Variants in FNDC3B observed in about 807,000 individuals in gnomAD.
FNDC3B encodes the protein fibronectin type III domain-containing protein 3B.
FNDC3B carries 12 observed loss-of-function variants against 151.5 expected under a neutral mutation model. The ratio of observed to expected loss-of-function variants is 0.08; its 90% CI spans 0.05 to 0.13. FNDC3B has a LOEUF of 0.13. Ranked by LOEUF, FNDC3B falls within the 10% of genes least tolerant of loss-of-function variation. FNDC3B has a pLI of 1.00. For synonymous variants in FNDC3B, 528 were observed against 549.0 expected, an observed-to-expected ratio of 0.96 and a Z score of 0.54; for missense variants, 1,214 against 1,505.3, an observed-to-expected ratio of 0.81 and a Z score of 3.20.
intron 3 of FNDC3B, among the ~76,000 whole-genome samples, chr3:172,200,350 T>C (rs1298394764): frequency 5.9e-5 from 9 of 152,236 alleles, no homozygotes; most frequent in Non-Finnish European, 4.4e-5. Context: ...CATGAAATGA[T>C]GTTGAATGAA....
Position 172,247,039 on chromosome 3 carries a change from T to C in FNDC3B, c.265-494T>C, listed in dbSNP as rs375436829. Among the ~76,000 whole-genome samples the C allele has an allele frequency of 1.6e-4, 24 of 152,312 alleles. No individual in the cohort carries two copies. The South Asian group carries it at 1.7e-3, about 11-fold the overall frequency. ...CCACCTTTGTTTCCTAAAGCCCTGA[T>C]GATGATGGAACTGTGCATGTTAAAG... On this transcript the variant is annotated intron_variant, in intron 4 of 25. Coordinates refer to ENST00000415807, the MANE Select transcript of FNDC3B (RefSeq NM_022763.4).
chr3:172,344,894 C>T (rs572223908), intron 19 of FNDC3B, among the ~76,000 whole-genome samples: 1 of 152,120 alleles, frequency 6.6e-6, no homozygotes, highest in South Asian at 2.1e-4. Context: ...CAGTGGGAGT[C>T]CCAGTAACTG....
At chr3:172,180,093 T>G (rs1723814034) in intron 3 of FNDC3B, among the ~76,000 whole-genome samples, 1 of 152,206 alleles carries the variant, frequency 6.6e-6, no homozygotes, top group African/African-American at 2.4e-5. Context: ...TGATTGCACA[T>G]GTACCTTGGA....
At chr3:172,073,342 G>A (rs1002646410) in intron 1 of FNDC3B, among the ~76,000 whole-genome samples, 1 of 152,204 alleles carries the variant, frequency 6.6e-6, no homozygotes, top group Non-Finnish European at 1.5e-5. Context: ...TAATTCTCAA[G>A]TGTAACAGTT....
At position 172,050,733 on chromosome 3, in the gene FNDC3B, G is replaced by GTGTATA. The variant is rs397991660; in HGVS notation, c.-29+10963_-29+10964insGTATAT. Among the ~76,000 whole-genome samples, 214 of 137,924 alleles carry GTGTATA rather than the reference G, an allele frequency of 1.6e-3. 2 individuals are homozygous for GTGTATA. The highest frequency in any genetic ancestry group is 8.7e-3 in the East Asian group (41 of 4,692). The allele number at this position is 137,924 out of a possible 152,430, so 90.5% of individuals were successfully genotyped here. On this transcript the variant is annotated intron_variant, in intron 1 of 25. Transcript: ENST00000415807. ...TGTGTGTGTGTGTGTGTGTGTGTGT[G>GTGTATA]TATAGTGTGTATATATACTATATAT...
At chr3:172,130,527 G>T (rs74652933) in intron 2 of FNDC3B, among the ~76,000 whole-genome samples, 13 of 152,040 alleles carry the variant, frequency 8.6e-5, no homozygotes, top group East Asian at 1.9e-4. Context: ...CAGTAAGCAG[G>T]GGGGGAAGGT....
intron 1 of FNDC3B, among the ~76,000 whole-genome samples, chr3:172,083,752 C>G (rs1379406745): frequency 2.0e-5 from 3 of 152,082 alleles, no homozygotes; most frequent in Non-Finnish European, 4.4e-5. Context: ...TTGACGTCTT[C>G]TTACGATTTC....
At chr3:172,295,792 C>T (rs1031060582) in intron 8 of FNDC3B, among the ~76,000 whole-genome samples, 8 of 152,118 alleles carry the variant, frequency 5.3e-5, no homozygotes, top group Admixed American at 2.6e-4. Context: ...TAATGTCTGT[C>T]GGCAAAAGGC....
intron 1 of FNDC3B, among the ~76,000 whole-genome samples, chr3:172,041,824 A>G (rs1716094152): frequency 6.6e-6 from 1 of 152,132 alleles, no homozygotes; most frequent in South Asian, 2.1e-4. Flanking sequence ...TGACTCTGAA[A>G]TTTACTGGAT....
At chr3:172,374,552 G>A (rs1344986481) in intron 23 of FNDC3B, among the ~76,000 whole-genome samples, 1 of 151,946 alleles carries the variant, frequency 6.6e-6, no homozygotes, top group East Asian at 1.9e-4. Flanking sequence ...GCATCACCAC[G>A]CCTGGCTAAT....
chr3:172,264,035 G>A (rs1041228285), intron 6 of FNDC3B, among the ~76,000 whole-genome samples: 1 of 152,084 alleles, frequency 6.6e-6, no homozygotes, highest in Non-Finnish European at 1.5e-5. Flanking sequence ...TACCCAGGCT[G>A]GAGTGCAGTG....
chr3:172,181,407 AAAAAAAAC>A lies in FNDC3B; in HGVS notation c.188-45456_188-45449del, dbSNP rs1490950976. On this transcript the variant is annotated intron_variant, in intron 3 of 25. Coordinates refer to ENST00000415807, the MANE Select transcript of FNDC3B (RefSeq NM_022763.4). ...GAGACTCTGTCTCCAAAAAAAAAAA[AAAAAAAAC>A]AAAAAAAAACACCTTTAGAATTTAC... 1.6e-4 allele frequency among the ~76,000 whole-genome samples: 23 copies of A among 145,034 alleles called. 1 individual carries two copies. Among genetic ancestry groups the A allele is most frequent in the South Asian group, 4.6e-4 (2 of 4,388 alleles).
At chr3:172,261,489 T>G (rs1728645299) in intron 6 of FNDC3B, among the ~76,000 whole-genome samples, 1 of 152,236 alleles carries the variant, frequency 6.6e-6, no homozygotes, top group Non-Finnish European at 1.5e-5. Context: ...TGTTCATTAT[T>G]CTTCATGCTT....
Position 172,333,134 on chromosome 3 carries a change from A to G in FNDC3B, c.1600A>G (p.Thr534Ala), listed in dbSNP as rs771891308. 1 of 1,613,436 alleles carries G rather than the reference A, an allele frequency of 6.2e-7. No individual in the cohort carries two copies. Among genetic ancestry groups the G allele is most frequent in the South Asian group, 1.1e-5 (1 of 91,074 alleles). Residue 534 changes from threonine to alanine, a missense_variant, in exon 14 of 26, where the codon ACT becomes GCT. Thr to Ala is a moderately conservative substitution (Grantham distance 58). Transcript: ENST00000415807. ...PKYTGEDLTC[T>A]VKNLKRSTQY... ...ATACACTGGAGAGGATTTAACCTGTACTGTGAAAAATCTCAAAAGAAGCAC... is the reference window on the plus strand; with the variant it reads ...ATACACTGGAGAGGATTTAACCTGTGCTGTGAAAAATCTCAAAAGAAGCAC...
chr3:172,204,321 G>A (rs889926006), intron 3 of FNDC3B, among the ~76,000 whole-genome samples: 4 of 152,166 alleles, frequency 2.6e-5, no homozygotes, highest in Non-Finnish European at 5.9e-5. Context: ...TAAAGAGACA[G>A]CCCCATTGAA....
At chr3:172,359,015 T>TGGTGATGGTGGC (rs1734239782) in intron 22 of FNDC3B, among the ~76,000 whole-genome samples, 1 of 116,388 alleles carries the variant, frequency 8.6e-6, no homozygotes, top group Non-Finnish European at 2.0e-5. Flanking sequence ...GTGGTGGTGG[T>TGGTGATGGTGGC]GGTGATGGTG....
chr3:172,204,742 A>C (rs1234833305), intron 3 of FNDC3B, among the ~76,000 whole-genome samples: 2 of 152,228 alleles, frequency 1.3e-5, no homozygotes, highest in Non-Finnish European at 2.9e-5. Flanking sequence ...ACCTTCTGGC[A>C]AAGTCTAGTA....
chr3:172,348,962 A>G (rs1733732012), intron 21 of FNDC3B, among the ~76,000 whole-genome samples: 1 of 152,314 alleles, frequency 6.6e-6, no homozygotes, highest in South Asian at 2.1e-4. Flanking sequence ...AAGTCAAGTT[A>G]AACCCCAATA....
intron 25 of FNDC3B, among the ~76,000 whole-genome samples, chr3:172,382,850 A>G (rs371884224): frequency 1.3e-5 from 2 of 152,262 alleles, no homozygotes; most frequent in East Asian, 1.9e-4. Context: ...TACCAGTACT[A>G]TGCTGTTTTG....
Sources: allele counts gnomAD v4.1 joint callset (sites outside exome capture counted in the v4.1 genomes callset), GRCh38; gene constraint gnomAD v4.1.1; transcripts MANE v1.5; gene names NCBI Gene and HGNC (gene_info 2026-07-23, HGNC 2026-07-21).